The following MAST4 variants were observed in gnomAD, a reference collection of about 807,000 sequenced individuals.
MAST4 encodes the protein microtubule-associated serine/threonine-protein kinase 4.
MAST4 carries 89 observed loss-of-function variants against 162.7 expected under a neutral mutation model. That is an observed-to-expected ratio of 0.55 (90% CI 0.46 to 0.65). MAST4 has a LOEUF of 0.65. MAST4 is among the 30% of genes least tolerant of loss of function. The pLI is 0.00. For missense variants in MAST4, 3,153 were observed against 3,374.0 expected, an observed-to-expected ratio of 0.93 and a Z score of 1.62; for synonymous variants, 1,479 against 1,361.1, an observed-to-expected ratio of 1.09 and a Z score of -1.91.
chr5:66,927,657 G>A (rs1249995033), intron 4 of MAST4, among the ~76,000 whole-genome samples: 1 of 152,186 alleles, frequency 6.6e-6, no homozygotes, highest in Non-Finnish European at 1.5e-5. Flanking sequence ...CAGTGATGTG[G>A]ACAGACACTT....
intron 3 of MAST4, among the ~76,000 whole-genome samples, chr5:66,865,803 G>A (rs982562016): frequency 2.6e-5 from 4 of 152,244 alleles, no homozygotes; most frequent in East Asian, 1.9e-4. Context: ...GGCCAGGTGC[G>A]GTGGCTCACG....
At chr5:66,887,051 T>TAAAAAC (rs767963005) in intron 3 of MAST4, among the ~76,000 whole-genome samples, 1 of 152,056 alleles carries the variant, frequency 6.6e-6, no homozygotes, top group Non-Finnish European at 1.5e-5. Flanking sequence ...ATGCTTTTTT[T>TAAAAAC]AAAAACAAAA....
rs116000551 is a variant in MAST4 at position 66,943,574 on chromosome 5, G to A, written c.674+43592G>A. On this transcript the variant is annotated intron_variant, in intron 4 of 28. Coordinates refer to ENST00000403625, the MANE Select transcript of MAST4 (RefSeq NM_001164664.2). Reference sequence around the variant, plus strand: ...ATTAAGATAGTAGCAAATTTCAACAGGCTCATTTGTTTAATGGAACAGCTT... The same window carrying A: ...ATTAAGATAGTAGCAAATTTCAACAAGCTCATTTGTTTAATGGAACAGCTT... 6.7e-3 allele frequency among the ~76,000 whole-genome samples: 1,014 copies of A among 152,192 alleles called. 12 individuals are homozygous for A. Among genetic ancestry groups the A allele is most frequent in the African/African-American group, 0.023 (969 of 41,540 alleles).
rs1393851288 is a variant in MAST4 at position 66,775,015 on chromosome 5, GTGTGTGTGTGTGTGTGTGTGTA to G, written c.518-13645_518-13624del. ...TTTTCCTGTGTGTGTGTGTGTGTGTGTGTGTGTGTGTGTGTGTGTGTATGTGTGTGTTTTCCCCCTGTAGCTG... is the reference window on the plus strand; with the variant it reads ...TTTTCCTGTGTGTGTGTGTGTGTGTGTGTGTGTGTTTTCCCCCTGTAGCTG... On this transcript the variant is annotated intron_variant, in intron 2 of 28. Coordinates refer to ENST00000403625, the MANE Select transcript of MAST4 (RefSeq NM_001164664.2). Among the ~76,000 whole-genome samples, 5 of 147,350 alleles carry G rather than the reference GTGTGTGTGTGTGTGTGTGTGTA, an allele frequency of 3.4e-5. No individual in the cohort carries two copies. The South Asian group carries it at 6.9e-4, about 20-fold the overall frequency.
At chr5:66,902,605 G>T (rs1166345878) in intron 4 of MAST4, 2 of 414,650 alleles carry the variant, frequency 4.8e-6, no homozygotes, top group Admixed American at 3.1e-5. Flanking sequence ...ATTTTAATGA[G>T]AACTAACTTG....
At chr5:66,652,909 T>G (rs1427843890) in intron 1 of MAST4, among the ~76,000 whole-genome samples, 1 of 152,206 alleles carries the variant, frequency 6.6e-6, no homozygotes, top group African/African-American at 2.4e-5. Context: ...CCTTGAACAT[T>G]TGAATCACTG....
At chr5:66,902,645 A>G (rs1228044616) in intron 4 of MAST4, 1 of 460,288 alleles carries the variant, frequency 2.2e-6, no homozygotes, top group Non-Finnish European at 4.5e-6. Flanking sequence ...TACATTTTTA[A>G]AAGGTGCAGA....
chr5:67,047,681 A>G (rs999861017), intron 4 of MAST4, among the ~76,000 whole-genome samples: 2 of 152,192 alleles, frequency 1.3e-5, no homozygotes, highest in African/African-American at 4.8e-5. Context: ...TGCCTAGCAT[A>G]TCTTAGGCAC....
At chr5:66,880,001 C>A (rs984596558) in intron 3 of MAST4, among the ~76,000 whole-genome samples, 1 of 152,144 alleles carries the variant, frequency 6.6e-6, no homozygotes, top group Non-Finnish European at 1.5e-5. Context: ...TTATAGCATC[C>A]TTTTTAATAG....
chr5:66,908,833 T>G (rs753137191), intron 4 of MAST4, among the ~76,000 whole-genome samples: 4 of 152,166 alleles, frequency 2.6e-5, no homozygotes, highest in Non-Finnish European at 5.9e-5. Context: ...TTGAATCCTG[T>G]CTCTGCCATT....
intron 3 of MAST4, among the ~76,000 whole-genome samples, chr5:66,879,219 C>T (rs1761514822): frequency 6.6e-6 from 1 of 152,012 alleles, no homozygotes; most frequent in Non-Finnish European, 1.5e-5. Flanking sequence ...GCGGAGCTTG[C>T]AGTGAGCCGA....
intron 1 of MAST4, among the ~76,000 whole-genome samples, chr5:66,669,328 C>T (rs899548815): frequency 6.6e-6 from 1 of 152,052 alleles, no homozygotes; most frequent in East Asian, 1.9e-4. Flanking sequence ...AGGGGGTGTA[C>T]CCTATGCGTA....
At chr5:67,162,137 G>C (rs1331348288) in intron 27 of MAST4, among the ~76,000 whole-genome samples, 1 of 152,172 alleles carries the variant, frequency 6.6e-6, no homozygotes, top group African/African-American at 2.4e-5. Context: ...AATGGAATAA[G>C]CACAGCAAAT....
chr5:66,711,850 A>G lies in MAST4; in HGVS notation c.364-47859A>G, dbSNP rs376779940. Among the ~76,000 whole-genome samples, 158 of 152,252 alleles carry G rather than the reference A, an allele frequency of 1.0e-3. No homozygotes were observed. In the South Asian group the frequency reaches 0.031, roughly 30 times the overall value. On this transcript the variant is annotated intron_variant, in intron 1 of 28. Transcript: ENST00000403625. ...ACTCTGCCCCCCACCCCCCAAAAAAAGATGCTTTGGATTATATTCAGGGCC... is the reference window on the plus strand; with the variant it reads ...ACTCTGCCCCCCACCCCCCAAAAAAGGATGCTTTGGATTATATTCAGGGCC...
chr5:67,094,212 C>T (rs1235909475), intron 6 of MAST4: 3 of 1,362,082 alleles, frequency 2.2e-6, no homozygotes. Context: ...TGTGATTTGT[C>T]CACTTGAATT....
intron 5 of MAST4, 40 bp from the exon 6 acceptor site, chr5:67,090,122 A>G: frequency 7.3e-7 from 1 of 1,368,982 alleles, no homozygotes; most frequent in Non-Finnish European, 1.0e-6. Context: ...AATGATACAC[A>G]AAATCATGTA....
At chr5:67,040,741 T>C (rs1756647470) in intron 4 of MAST4, among the ~76,000 whole-genome samples, 3 of 152,232 alleles carry the variant, frequency 2.0e-5, no homozygotes, top group Non-Finnish European at 1.5e-5. Flanking sequence ...GTGATTTCTA[T>C]GTATGACCAG....
chr5:67,031,808 TATTC>T, intron 4 of MAST4, among the ~76,000 whole-genome samples: 1 of 152,256 alleles, frequency 6.6e-6, no homozygotes, highest in Non-Finnish European at 1.5e-5. Flanking sequence ...CCTAGTGACC[TATTC>T]ATAGGTCAGG....
chr5:66,865,560 C>T (rs1473679677), intron 3 of MAST4, among the ~76,000 whole-genome samples: 1 of 151,946 alleles, frequency 6.6e-6, no homozygotes, highest in East Asian at 1.9e-4. Context: ...TTAAATAAAA[C>T]TATTAAGAAA....
Sources: allele counts gnomAD v4.1 joint callset (sites outside exome capture counted in the v4.1 genomes callset), GRCh38; gene constraint gnomAD v4.1.1; transcripts MANE v1.5; gene names NCBI Gene and HGNC (gene_info 2026-07-23, HGNC 2026-07-21).